IMMP1L: variants seen among roughly 807,000 people sequenced by gnomAD.
The protein encoded by IMMP1L is inner mitochondrial membrane peptidase subunit 1.
Under a neutral mutation model 21.8 loss-of-function variants are expected in IMMP1L, and 24 were observed. The ratio of observed to expected loss-of-function variants is 1.10; its 90% CI spans 0.80 to 1.55. The LOEUF (loss-of-function observed/expected upper bound fraction) is 1.55. Ranked by LOEUF, IMMP1L falls within the 40% of genes most tolerant of loss-of-function variation. The probability of loss-of-function intolerance (pLI) is 0.00; values close to 1 mark genes in which losing one functional copy is unlikely to be tolerated. For synonymous variants in IMMP1L, 46 were observed against 62.8 expected (o/e 0.73, Z 1.26); for missense variants, 195 against 200.7 (o/e 0.97, Z 0.17).
chr11:31,486,900 T>C (rs1458665666), intron 1 of IMMP1L, among the ~76,000 whole-genome samples: 1 of 151,900 alleles, frequency 6.6e-6, no homozygotes, highest in Non-Finnish European at 1.5e-5. Context: ...AAAGTTATAT[T>C]AAAAATTGTA....
At chr11:31,463,422 G>C in intron 1 of IMMP1L, 117 bp from the exon 2 acceptor site, 1 of 934,330 alleles carries the variant, frequency 1.1e-6, no homozygotes, top group Non-Finnish European at 1.5e-6. Flanking sequence ...ATACAATTTG[G>C]TGCAGGAAAC....
At chr11:31,448,674 C>T (rs952060096) in intron 4 of IMMP1L, among the ~76,000 whole-genome samples, 1 of 152,172 alleles carries the variant, frequency 6.6e-6, no homozygotes, top group Non-Finnish European at 1.5e-5. Context: ...AACAGAGATG[C>T]TGATCTTCAT....
chr11:31,453,529 G>A (rs1953833631), intron 4 of IMMP1L, among the ~76,000 whole-genome samples: 1 of 152,166 alleles, frequency 6.6e-6, no homozygotes. Flanking sequence ...GCACCAGTGT[G>A]CTTCTGAAAT....
intron 1 of IMMP1L, among the ~76,000 whole-genome samples, chr11:31,467,854 C>T (rs2133692093): frequency 6.7e-6 from 1 of 149,840 alleles, no homozygotes; most frequent in South Asian, 2.1e-4. Context: ...TAACTTAACA[C>T]AATGACCAAA....
chr11:31,433,223 T>A (rs1045735887), intron 5 of IMMP1L, among the ~76,000 whole-genome samples: 1 of 152,204 alleles, frequency 6.6e-6, no homozygotes, highest in Non-Finnish European at 1.5e-5. Flanking sequence ...AAATTCAAAT[T>A]AAAGTTTTCT....
chr11:31,479,019 C>T (rs1290482930), intron 1 of IMMP1L, among the ~76,000 whole-genome samples: 1 of 151,960 alleles, frequency 6.6e-6, no homozygotes, highest in African/African-American at 2.4e-5. Flanking sequence ...CCACCCATGA[C>T]ATAACAGCTA....
chr11:31,507,098 T>C (rs1440295860), intron 1 of IMMP1L, among the ~76,000 whole-genome samples: 1 of 151,848 alleles, frequency 6.6e-6, no homozygotes, highest in African/African-American at 2.4e-5. Context: ...GCTAACACGG[T>C]GAAACCCCAT....
intron 1 of IMMP1L, among the ~76,000 whole-genome samples, chr11:31,485,182 G>A (rs898061987): frequency 9.2e-5 from 14 of 151,738 alleles, no homozygotes; most frequent in African/African-American, 3.4e-4. Flanking sequence ...ATTTTTTAAA[G>A]CCGTAATTTC....
intron 4 of IMMP1L, chr11:31,449,174 A>C (rs1953651922): frequency 1.5e-6 from 1 of 655,472 alleles, no homozygotes; most frequent in African/African-American, 2.0e-5. Context: ...AAATGACATA[A>C]GGATTTAGTA....
chr11:31,468,450 T>C (rs1173292756), intron 1 of IMMP1L, among the ~76,000 whole-genome samples: 4 of 152,188 alleles, frequency 2.6e-5, no homozygotes, highest in African/African-American at 9.6e-5. Flanking sequence ...AGAACGCTAA[T>C]GTGGCAAATG....
intron 4 of IMMP1L, chr11:31,437,213 C>A (rs1312686841): frequency 1.2e-5 from 5 of 422,446 alleles, no homozygotes; most frequent in Non-Finnish European, 2.4e-5. Context: ...TTTGCATATA[C>A]ACGAGATATC....
chr11:31,489,021 C>T (rs1429972740), intron 1 of IMMP1L, among the ~76,000 whole-genome samples: 2 of 151,898 alleles, frequency 1.3e-5, no homozygotes, highest in African/African-American at 4.8e-5. Flanking sequence ...CTCAGCCTCC[C>T]GAGTAGCTGG....
rs1452905465 is a variant in IMMP1L, at chr11:31,489,212, T to C, written c.-30+20307A>G. On this transcript the variant is annotated intron_variant, in intron 1 of 5. Transcript: ENST00000532287. Reference sequence around the variant, plus strand: ...GCACCCGGCCAAAAAGTTTTATTTTTATTTGAAATGTTAAAGTTTGCTTTG... The same window carrying C: ...GCACCCGGCCAAAAAGTTTTATTTTCATTTGAAATGTTAAAGTTTGCTTTG... Among the ~76,000 whole-genome samples, 6 of 152,188 alleles carry C rather than the reference T, an allele frequency of 3.9e-5. 1 individual carries two copies. The highest frequency in any genetic ancestry group is 5.9e-5 in the Non-Finnish European group (4 of 68,030).
In IMMP1L at chr11:31,452,442, G is replaced by T. The variant is rs972381750; in HGVS notation, c.321+3818C>A. 14 of 985,242 alleles carry T rather than the reference G, an allele frequency of 1.4e-5. No individual in the cohort carries two copies. The African/African-American group carries it at 2.3e-4, about 16-fold the overall frequency. The allele number at this position is 985,242 out of a possible 1,614,324, so 61.0% of individuals were successfully genotyped here. A position where few individuals can be genotyped will look rare whatever the true frequency, so the allele number is the denominator to read the frequency against. On this transcript the variant is annotated intron_variant, in intron 4 of 5. Transcript: ENST00000532287. Reference sequence around the variant, plus strand: ...TAGAGGTTTACTTTGCATTTTGCCTGCTGTGCAAACCAATAGGAGAATGCC... The same window carrying T: ...TAGAGGTTTACTTTGCATTTTGCCTTCTGTGCAAACCAATAGGAGAATGCC...
At chr11:31,499,938 T>TTAAATAAATAAATAAATAAA (rs34485904) in intron 1 of IMMP1L, among the ~76,000 whole-genome samples, 12 of 140,140 alleles carry the variant, frequency 8.6e-5, no homozygotes, top group African/African-American at 2.4e-4. Flanking sequence ...GGCTAACTTC[T>TTAAATAAATAAATAAATAAA]TAAATAAATA....
intron 1 of IMMP1L, among the ~76,000 whole-genome samples, chr11:31,490,365 G>A (rs189803696): frequency 2.9e-3 from 442 of 151,772 alleles, no homozygotes; most frequent in Middle Eastern, 0.017. Flanking sequence ...CCAGCTACTC[G>A]AGAAGCTGAG....
chr11:31,432,546 C>T lies in IMMP1L; in HGVS notation c.455G>A (p.Gly152Glu). The T allele has an allele frequency of 6.2e-7, 1 of 1,612,944 alleles. No individual in the cohort carries two copies. The highest frequency in any genetic ancestry group is 1.1e-5 in the South Asian group (1 of 91,034). ...FFKIWPLSDF[G>E]FLRASPNGHR... ...GCCATTAGGGCTGGCACGTAAAAAT[C>T]CAAAATCACTCAGAGGCCAAATCTG... The change falls in exon 6 of 6, where the codon GGA becomes GAA. Residue 152 changes from glycine to glutamate, a missense_variant. Transcript: ENST00000532287.
chr11:31,475,680 T>C (rs1954702718), intron 1 of IMMP1L, among the ~76,000 whole-genome samples: 1 of 152,234 alleles, frequency 6.6e-6, no homozygotes, highest in African/African-American at 2.4e-5. Context: ...CAAATTAGTA[T>C]CTAGCTTAAG....
chr11:31,437,146 T>C (rs368112385), intron 4 of IMMP1L: 91 of 451,626 alleles, frequency 2.0e-4, no homozygotes, highest in South Asian at 1.3e-3. Context: ...GTATCTCTTA[T>C]CTGAAATGCT....
Sources: gnomAD v4.1 joint callset for allele counts (sites outside exome capture counted in the v4.1 genomes callset) on GRCh38, gnomAD v4.1.1 for gene constraint, MANE v1.5 for transcripts, NCBI Gene and HGNC (gene_info 2026-07-23, HGNC 2026-07-21) for gene names.